Variants in RAB38 observed in about 807,000 individuals in gnomAD.
The protein encoded by RAB38 is RAB38, member RAS oncogene family.
Under a neutral mutation model 18.4 loss-of-function variants are expected in RAB38, and 15 were observed. The ratio of observed to expected loss-of-function variants is 0.82; its 90% CI spans 0.55 to 1.26. The LOEUF is 1.26. Among genes scored for constraint, RAB38 ranks in the 50% most tolerant of loss-of-function variants. RAB38 has a pLI of 0.00. For missense variants in RAB38, 294 were observed against 267.4 expected, an observed-to-expected ratio of 1.10 and a Z score of -0.69; for synonymous variants, 101 against 104.4, an observed-to-expected ratio of 0.97 and a Z score of 0.20.
the RAB38 span, among the ~76,000 whole-genome samples, chr11:88,088,410 C>T: frequency 3.9e-5 from 6 of 151,918 alleles, no homozygotes; most frequent in African/African-American, 1.4e-4. Flanking sequence ...TGAAGTTTAA[C>T]AGCAGTAGGG....
chr11:88,069,226 C>T, the RAB38 span, among the ~76,000 whole-genome samples: 1 of 152,224 alleles, frequency 6.6e-6, no homozygotes, highest in Non-Finnish European at 1.5e-5. Context: ...CCGGGTCCCC[C>T]AGCACTGCCA....
the RAB38 span, among the ~76,000 whole-genome samples, chr11:88,074,089 G>T: frequency 6.6e-6 from 1 of 151,446 alleles, no homozygotes; most frequent in Non-Finnish European, 1.5e-5. Flanking sequence ...TTAAGAGAGA[G>T]TTGAGCAAGA....
the RAB38 span, chr11:87,816,255 T>C: frequency 6.6e-6 from 1 of 152,484 alleles, no homozygotes; most frequent in Non-Finnish European, 1.5e-5. Flanking sequence ...TTAAGTATTC[T>C]TTTCGTTATA....
the RAB38 span, among the ~76,000 whole-genome samples, chr11:87,855,526 T>C: frequency 1.1e-4 from 16 of 152,192 alleles, no homozygotes; most frequent in African/African-American, 3.9e-4. Flanking sequence ...TAAATCATTG[T>C]TTCAAGTTGA....
the RAB38 span, among the ~76,000 whole-genome samples, chr11:87,847,767 A>G: frequency 2.6e-5 from 4 of 152,092 alleles, no homozygotes; most frequent in Admixed American, 6.6e-5. Context: ...CCACAAATCA[A>G]GCGGGAGAAA....
chr11:87,838,077 T>TA, the RAB38 span, among the ~76,000 whole-genome samples: 1 of 152,106 alleles, frequency 6.6e-6, no homozygotes, highest in Non-Finnish European at 1.5e-5. Context: ...TTCCCAATAA[T>TA]ACAGGAAGAA....
the RAB38 span, among the ~76,000 whole-genome samples, chr11:87,830,649 A>G: frequency 6.6e-6 from 1 of 152,130 alleles, no homozygotes; most frequent in Non-Finnish European, 1.5e-5. Flanking sequence ...ATTGTACACT[A>G]TTTATTATAT....
At chr11:87,956,262 C>T in the RAB38 span, among the ~76,000 whole-genome samples, 1 of 152,152 alleles carries the variant, frequency 6.6e-6, no homozygotes, top group African/African-American at 2.4e-5. Context: ...GTCCCTCAAA[C>T]TACATCCAGC....
At chr11:88,111,216 A>G (rs1942469079), downstream of RAB38, among the ~76,000 whole-genome samples, 1 of 152,140 alleles carries the variant, frequency 6.6e-6, no homozygotes, top group African/African-American at 2.4e-5. Context: ...CCTTATCAAG[A>G]TGTTGCTGCT....
the RAB38 span, among the ~76,000 whole-genome samples, chr11:87,938,178 G>A: frequency 6.6e-6 from 1 of 152,080 alleles, no homozygotes; most frequent in Non-Finnish European, 1.5e-5. Context: ...GGGACTCCCT[G>A]TTATTGCTTT....
At chr11:88,174,654 C>G (rs1424509824) in intron 1 of RAB38, among the ~76,000 whole-genome samples, 3 of 147,490 alleles carry the variant, frequency 2.0e-5, no homozygotes, top group African/African-American at 7.6e-5. Flanking sequence ...AAACAAAAAC[C>G]CTCAAACTCC....
chr11:87,954,963 T>C, the RAB38 span, among the ~76,000 whole-genome samples: 5 of 152,192 alleles, frequency 3.3e-5, no homozygotes, highest in African/African-American at 1.2e-4. Context: ...ATTAGTAATA[T>C]TGCATCATAT....
the RAB38 span, among the ~76,000 whole-genome samples, chr11:88,082,187 T>C: frequency 6.6e-6 from 1 of 151,898 alleles, no homozygotes; most frequent in Non-Finnish European, 1.5e-5. Flanking sequence ...GTTACATATC[T>C]ATATATTTGC....
chr11:88,041,296 A>C, the RAB38 span, among the ~76,000 whole-genome samples: 12 of 152,134 alleles, frequency 7.9e-5, no homozygotes, highest in Non-Finnish European at 1.8e-4. Flanking sequence ...CCCCTCTGTA[A>C]TAGTGAGCGG....
At chr11:88,115,085 T>C (rs1942530555) in intron 2 of RAB38, among the ~76,000 whole-genome samples, 1 of 152,246 alleles carries the variant, frequency 6.6e-6, no homozygotes, top group African/African-American at 2.4e-5. Context: ...AACTGCTTTT[T>C]TTGTTCCTGC....
the RAB38 span, among the ~76,000 whole-genome samples, chr11:87,860,223 A>G: frequency 6.6e-6 from 1 of 152,052 alleles, no homozygotes; most frequent in African/African-American, 2.4e-5. Flanking sequence ...AATAAGAGCA[A>G]TACTAAATAT....
chr11:88,028,888 G>A, the RAB38 span, among the ~76,000 whole-genome samples: 1 of 152,242 alleles, frequency 6.6e-6, no homozygotes, highest in East Asian at 1.9e-4. Context: ...ATGCCACAAA[G>A]ATACTCCTCG....
At chr11:87,815,790 TGTG>T in the RAB38 span, 1 of 152,224 alleles carries the variant, frequency 6.6e-6, no homozygotes. Context: ...TTCCTATAGT[TGTG>T]AGTAGGAGGA....
At chr11:88,069,118 T>C in the RAB38 span, among the ~76,000 whole-genome samples, 118,073 of 152,146 alleles carry the variant, frequency 0.78, 46,089 homozygotes, top group African/African-American at 0.85. Flanking sequence ...CCGGTGGGCA[T>C]GAGCTCAGTG....
Sources: allele counts gnomAD v4.1 joint callset (sites outside exome capture counted in the v4.1 genomes callset), GRCh38; gene constraint gnomAD v4.1.1; transcripts MANE v1.5; gene names NCBI Gene and HGNC (gene_info 2026-07-23, HGNC 2026-07-21).